STK38: variants seen among roughly 807,000 people sequenced by gnomAD.
The protein encoded by STK38 is serine/threonine kinase 38.
Under a neutral mutation model 59.0 loss-of-function variants are expected in STK38, and 26 were observed. That is an observed-to-expected ratio of 0.44 (90% CI 0.32 to 0.61). The LOEUF is 0.61. Ranked by LOEUF, STK38 falls within the 20% of genes least tolerant of loss-of-function variation. The pLI is 0.04. For missense variants in STK38, 433 were observed against 566.0 expected, an observed-to-expected ratio of 0.76 and a Z score of 2.38; for synonymous variants, 175 against 176.6, an observed-to-expected ratio of 0.99 and a Z score of 0.07.
intron 9 of STK38, among the ~76,000 whole-genome samples, chr6:36,504,104 G>A (rs1776903857): frequency 6.6e-6 from 1 of 152,144 alleles, no homozygotes. Context: ...TTGTGTCAGG[G>A]TTTTAGAAGA....
intron 1 of STK38, among the ~76,000 whole-genome samples, chr6:36,544,232 C>T (rs2127494214): frequency 6.6e-6 from 1 of 152,148 alleles, no homozygotes; most frequent in East Asian, 1.9e-4. Context: ...GCATTAAGAG[C>T]TACCTTACTA....
intron 5 of STK38, among the ~76,000 whole-genome samples, chr6:36,520,877 G>A (rs1052974999): frequency 3.3e-5 from 5 of 152,144 alleles, no homozygotes; most frequent in Non-Finnish European, 7.4e-5. Flanking sequence ...GAGGTAGAAA[G>A]GATTGGATGT....
chr6:36,532,040 T>C (rs371256805), intron 2 of STK38, among the ~76,000 whole-genome samples: 4 of 152,226 alleles, frequency 2.6e-5, no homozygotes, highest in African/African-American at 9.6e-5. Context: ...CCAATACTTA[T>C]TATTTCAAAC....
At chr6:36,534,793 T>G (rs1311138763) in intron 2 of STK38, among the ~76,000 whole-genome samples, 1 of 135,790 alleles carries the variant, frequency 7.4e-6, no homozygotes, top group East Asian at 2.3e-4. Context: ...CTCCCACTAC[T>G]TCTATTCAAC....
Position 36,495,602 on chromosome 6 carries a change from T to C in STK38, c.*182A>G, listed in dbSNP as rs1241661678. ...GCCGACGTAGTAGAAATGGTTGTCTTTGTTTACAGTTTTTCAGATGCATTA... is the reference window on the plus strand; with the variant it reads ...GCCGACGTAGTAGAAATGGTTGTCTCTGTTTACAGTTTTTCAGATGCATTA... On this transcript the variant is annotated 3_prime_UTR_variant, in exon 14 of 14. Transcript: ENST00000229812. 4 of 710,140 alleles carry C rather than the reference T, an allele frequency of 5.6e-6. No individual in the cohort carries two copies. Among genetic ancestry groups the C allele is most frequent in the Middle Eastern group, 3.2e-4 (1 of 3,120 alleles). The allele number at this position is 710,140 out of a possible 1,614,324, so 44.0% of individuals were successfully genotyped here.
rs202116718 is a variant in STK38 at position 36,521,434 on chromosome 6, C to CAA, written c.390+298_390+299dup. Among the ~76,000 whole-genome samples, 8 of 145,206 alleles carry CAA rather than the reference C, an allele frequency of 5.5e-5. No homozygotes were observed. In the South Asian group the frequency reaches 1.7e-3, roughly 32 times the overall value. ...CACACTACCACACCACGTACGACCT[C>CAA]AAAAAAAAAAGGCTCTCACAATAAG... On this transcript the variant is annotated intron_variant, in intron 5 of 13. Transcript: ENST00000229812.
At chr6:36,514,439 GACA>G (rs1186583230) in intron 7 of STK38, among the ~76,000 whole-genome samples, 1 of 151,948 alleles carries the variant, frequency 6.6e-6, no homozygotes, top group African/African-American at 2.4e-5. Flanking sequence ...ATTCAGTCAA[GACA>G]ACAAGTCTGC....
chr6:36,520,444 C>G (rs756339094), intron 5 of STK38, among the ~76,000 whole-genome samples: 1 of 152,152 alleles, frequency 6.6e-6, no homozygotes, highest in Non-Finnish European at 1.5e-5. Flanking sequence ...TGCAGTATTA[C>G]TCTGACAGTT....
chr6:36,533,501 A>T (rs921224705), intron 2 of STK38, among the ~76,000 whole-genome samples: 1 of 152,238 alleles, frequency 6.6e-6, no homozygotes, highest in Non-Finnish European at 1.5e-5. Context: ...TTCTGGAACC[A>T]CTGAAACTTT....
intron 9 of STK38, among the ~76,000 whole-genome samples, chr6:36,505,981 C>A (rs1189328188): frequency 6.6e-6 from 1 of 152,184 alleles, no homozygotes; most frequent in East Asian, 1.9e-4. Flanking sequence ...GTACTTCCAA[C>A]ATACTATCAA....
chr6:36,525,872 G>A (rs1777498448), intron 2 of STK38, among the ~76,000 whole-genome samples: 1 of 151,908 alleles, frequency 6.6e-6, no homozygotes, highest in Non-Finnish European at 1.5e-5. Context: ...GCGAGGAGAG[G>A]AGACAGAGTT....
rs1455843234 is a variant in STK38, at chr6:36,540,218, A to C, written c.-5-11T>G. 1 of 1,613,476 alleles carries C rather than the reference A, an allele frequency of 6.2e-7. No individual in the cohort carries two copies. Among genetic ancestry groups the C allele is most frequent in the Non-Finnish European group, 8.5e-7 (1 of 1,179,700 alleles). ...TCATTGCCATGGCTGCTAGAAACAAAGAAAAGAAGAGGTGTTAGATTTGGA... is the reference window on the plus strand; with the variant it reads ...TCATTGCCATGGCTGCTAGAAACAACGAAAAGAAGAGGTGTTAGATTTGGA... On this transcript the variant is annotated splice_polypyrimidine_tract_variant and intron_variant, in intron 1 of 13. Coordinates refer to ENST00000229812, the MANE Select transcript of STK38 (RefSeq NM_007271.4).
chr6:36,526,456 AC>A (rs1265091289), intron 2 of STK38, among the ~76,000 whole-genome samples: 6 of 152,232 alleles, frequency 3.9e-5, no homozygotes, highest in Admixed American at 3.9e-4. Context: ...GACTGGCACC[AC>A]TATCAAAACT....
intron 1 of STK38, among the ~76,000 whole-genome samples, chr6:36,541,084 G>C (rs1217980724): frequency 6.6e-6 from 1 of 151,746 alleles, no homozygotes; most frequent in Non-Finnish European, 1.5e-5. Context: ...ATTTTTAGTA[G>C]AGACGGGATT....
intron 9 of STK38, among the ~76,000 whole-genome samples, chr6:36,505,418 T>C (rs1776941313): frequency 6.6e-6 from 1 of 152,240 alleles, no homozygotes; most frequent in Admixed American, 6.5e-5. Flanking sequence ...AAATATTGTC[T>C]GAGGCCCCAC....
At chr6:36,542,953 T>A (rs1432216323) in intron 1 of STK38, among the ~76,000 whole-genome samples, 4 of 151,706 alleles carry the variant, frequency 2.6e-5, no homozygotes, top group African/African-American at 7.3e-5. Context: ...TCAAAAAAAA[T>A]AAATAAATAA....
chr6:36,512,151 A>G (rs998193185), intron 7 of STK38, among the ~76,000 whole-genome samples: 4 of 152,238 alleles, frequency 2.6e-5, no homozygotes, highest in African/African-American at 9.6e-5. Flanking sequence ...CTAGCCTTTC[A>G]GGGAATTCTA....
At position 36,540,087 on chromosome 6, in the gene STK38, T is replaced by C. The variant is rs749849841; in HGVS notation, c.116A>G (p.Glu39Gly). 1.9e-6 allele frequency: 3 copies of C among 1,613,990 alleles called. No individual in the cohort carries two copies. The South Asian group carries it at 3.3e-5, about 18-fold the overall frequency. The change falls in exon 2 of 14, where the codon GAA (glutamate) becomes GGA (glycine). Residue 39 changes from glutamate (E) to glycine (G), a missense_variant. Coordinates refer to ENST00000229812, the MANE Select transcript of STK38 (RefSeq NM_007271.4). ...AATTCTTTACCTCATTTCTCGTTCT[T>C]CATGTTGAGCGATAAGGTTGCTATA... Reference protein sequence around the residue: ...NFYSNLIAQHEEREMRQKKLE... With the variant: ...NFYSNLIAQHGEREMRQKKLE...
intron 9 of STK38, among the ~76,000 whole-genome samples, chr6:36,504,898 C>CAAAAAAAAAAAAAAA (rs562032331): frequency 1.9e-4 from 12 of 64,056 alleles, no homozygotes; most frequent in East Asian, 9.5e-4. Context: ...TCCTGGCCTC[C>CAAAAAAAAAAAAAAA]AAAAAAAAAA....
Sources: allele counts gnomAD v4.1 joint callset (sites outside exome capture counted in the v4.1 genomes callset), GRCh38; gene constraint gnomAD v4.1.1; transcripts MANE v1.5; gene names NCBI Gene and HGNC (gene_info 2026-07-23, HGNC 2026-07-21).